ASPRV1: variants seen among roughly 807,000 people sequenced by gnomAD.
ASPRV1 encodes aspartic peptidase retroviral like 1.
A neutral mutation model predicts 11.0 loss-of-function variants in ASPRV1; 7 were observed. That is an observed-to-expected ratio of 0.64 (90% CI 0.36 to 1.20). The LOEUF (loss-of-function observed/expected upper bound fraction) is 1.20, where lower values mean the gene tolerates loss of function less well. Among genes scored for constraint, ASPRV1 ranks in the 50% most tolerant of loss-of-function variants. The pLI is 0.02. For missense variants in ASPRV1, 299 were observed against 320.0 expected, an observed-to-expected ratio of 0.93 and a Z score of 0.50; for synonymous variants, 136 against 138.4, an observed-to-expected ratio of 0.98 and a Z score of 0.12.
At chr2:70,007,784 T>C in the ASPRV1 span, among the ~76,000 whole-genome samples, 35 of 152,092 alleles carry the variant, frequency 2.3e-4, no homozygotes, top group African/African-American at 8.0e-4. Flanking sequence ...ACCAGGGAAC[T>C]TTTGCTTTCT....
At chr2:70,068,571 C>G in the ASPRV1 span, among the ~76,000 whole-genome samples, 2 of 151,886 alleles carry the variant, frequency 1.3e-5, no homozygotes, top group Non-Finnish European at 2.9e-5. Context: ...CAGCAGGAAG[C>G]TAGAGATGTG....
the ASPRV1 span, among the ~76,000 whole-genome samples, chr2:70,074,519 G>A: frequency 7.9e-5 from 12 of 151,102 alleles, no homozygotes; most frequent in East Asian, 4.0e-4. Flanking sequence ...CTCGTAATCC[G>A]CCCACCTCGA....
the ASPRV1 span, chr2:70,069,373 C>T: frequency 1.3e-5 from 2 of 152,210 alleles, no homozygotes; most frequent in African/African-American, 2.4e-5. Context: ...GGTTGGAACT[C>T]AAAACAGAAA....
the ASPRV1 span, among the ~76,000 whole-genome samples, chr2:70,057,771 G>A: frequency 3.3e-5 from 5 of 151,170 alleles, no homozygotes; most frequent in South Asian, 2.1e-4. Flanking sequence ...GAGCCACTGC[G>A]CCCAGCCAGT....
At chr2:70,070,783 C>CAAAAAAA in the ASPRV1 span, 2 of 33,200 alleles carry the variant, frequency 6.0e-5, no homozygotes, top group African/African-American at 1.2e-4. Flanking sequence ...GACTCCGTAT[C>CAAAAAAA]AAAAAAAAAA....
the ASPRV1 span, among the ~76,000 whole-genome samples, chr2:69,936,038 T>C: frequency 2.5e-3 from 384 of 152,172 alleles, no homozygotes; most frequent in African/African-American, 8.4e-3. Context: ...CCAGCCCTTC[T>C]TCCAGTCCCT....
chr2:70,035,376 A>G, the ASPRV1 span, among the ~76,000 whole-genome samples: 1 of 152,038 alleles, frequency 6.6e-6, no homozygotes, highest in South Asian at 2.1e-4. Flanking sequence ...TTCCTCCCTC[A>G]CTATAAAATC....
the ASPRV1 span, chr2:70,085,816 CG>C: frequency 6.6e-6 from 1 of 152,266 alleles, no homozygotes; most frequent in South Asian, 2.1e-4. Context: ...TAAGATTCAC[CG>C]GCCAACTGTC....
At chr2:70,034,343 C>A in the ASPRV1 span, among the ~76,000 whole-genome samples, 5 of 151,392 alleles carry the variant, frequency 3.3e-5, no homozygotes, top group East Asian at 9.8e-4. Flanking sequence ...CCGAGGCGGG[C>A]AGAACACCTG....
At chr2:70,050,405 T>C in the ASPRV1 span, 1 of 152,192 alleles carries the variant, frequency 6.6e-6, no homozygotes, top group Admixed American at 6.5e-5. Flanking sequence ...ACACACACAG[T>C]ACTCAAAAAG....
the ASPRV1 span, among the ~76,000 whole-genome samples, chr2:70,048,107 CAAAAAAAAAAA>C: frequency 1.5e-4 from 5 of 32,490 alleles, no homozygotes; most frequent in East Asian, 1.7e-3. Flanking sequence ...GACTCCATCT[CAAAAAAAAAAA>C]AAAAAAAAAA....
the ASPRV1 span, among the ~76,000 whole-genome samples, chr2:69,951,582 T>TAG: frequency 1.3e-4 from 19 of 150,128 alleles, no homozygotes; most frequent in African/African-American, 4.6e-4. Flanking sequence ...TATAAACATA[T>TAG]ATATAGATAG....
At chr2:69,964,776 T>C (rs1370332222), upstream of ASPRV1, 1 of 152,692 alleles carries the variant, frequency 6.5e-6, no homozygotes, top group Non-Finnish European at 1.5e-5. Flanking sequence ...CCACGCCCCC[T>C]CACTGAGATT....
At chr2:69,971,831 G>A in the ASPRV1 span, among the ~76,000 whole-genome samples, 1 of 152,270 alleles carries the variant, frequency 6.6e-6, no homozygotes, top group Non-Finnish European at 1.5e-5. Flanking sequence ...GCAGTCTTTG[G>A]CCTTGTCAAG....
At chr2:70,077,967 G>T in the ASPRV1 span, among the ~76,000 whole-genome samples, 3 of 152,012 alleles carry the variant, frequency 2.0e-5, no homozygotes, top group South Asian at 6.2e-4. Flanking sequence ...AGGAGTTTGA[G>T]ACCAGCCTGA....
rs1572875734 is a variant in ASPRV1 at position 69,960,944 on chromosome 2, C to T, written c.493G>A (p.Ala165Thr). 4.3e-6 allele frequency: 7 copies of T among 1,614,118 alleles called. No homozygotes were observed. The highest frequency in any genetic ancestry group is 5.9e-6 in the Non-Finnish European group (7 of 1,180,000). Residue 165 changes from alanine (A) to threonine (T), a missense_variant, in exon 1 of 1, where the codon GCT becomes ACT. Physicochemically the swap from Ala to Thr is moderately conservative, Grantham distance 58. Coordinates refer to ENST00000320256, the MANE Select transcript of ASPRV1 (RefSeq NM_152792.4). The stretch of plus-strand genomic sequence containing the variant: ...CAGACACCCAGGATCTTCATTTCAG[C>T]ACCATTGGCCACCTTTACCACATTC... ...FENVVKVANG[A>T]EMKILGVWDT...
chr2:70,057,655 T>C, the ASPRV1 span, among the ~76,000 whole-genome samples: 4 of 151,740 alleles, frequency 2.6e-5, no homozygotes, highest in African/African-American at 4.8e-5. Context: ...ATTATTGTAG[T>C]TTTAGTAAAG....
the ASPRV1 span, among the ~76,000 whole-genome samples, chr2:70,007,656 A>G: frequency 8.3e-3 from 1,263 of 152,218 alleles, 13 homozygotes; most frequent in Non-Finnish European, 9.1e-3. Flanking sequence ...AGTATATATC[A>G]TTTGAGCTTA....
chr2:70,056,262 C>G, the ASPRV1 span: 2 of 152,124 alleles, frequency 1.3e-5, no homozygotes, highest in Non-Finnish European at 2.9e-5. Context: ...TTCTGGAGAT[C>G]TGCTGCACAA....
Sources: gnomAD v4.1 joint callset for allele counts (sites outside exome capture counted in the v4.1 genomes callset) on GRCh38, gnomAD v4.1.1 for gene constraint, MANE v1.5 for transcripts, NCBI Gene and HGNC (gene_info 2026-07-23, HGNC 2026-07-21) for gene names.